Variants in CUX2 observed in about 807,000 individuals in gnomAD.
CUX2 encodes the protein homeobox protein cut-like 2.
A neutral mutation model predicts 144.8 loss-of-function variants in CUX2; 40 were observed. The observed-to-expected ratio is 0.28, with a 90% CI of 0.21 to 0.36. The LOEUF (loss-of-function observed/expected upper bound fraction) is 0.36, where lower values mean the gene tolerates loss of function less well. CUX2 is among the 10% of genes least tolerant of loss of function. The pLI is 1.00. For synonymous variants in CUX2, 827 were observed against 875.6 expected (o/e 0.94, Z 0.98); for missense variants, 1,615 against 1,994.0 (o/e 0.81, Z 3.62).
At chr12:111,170,652 C>A (rs1410664028) in intron 1 of CUX2, among the ~76,000 whole-genome samples, 1 of 150,660 alleles carries the variant, frequency 6.6e-6, no homozygotes, top group Non-Finnish European at 1.5e-5. Context: ...CTCCTGAAAC[C>A]CAGTTCTTCT....
chr12:111,084,567 A>G (rs1016742197), intron 1 of CUX2, among the ~76,000 whole-genome samples: 24 of 151,786 alleles, frequency 1.6e-4, no homozygotes, highest in African/African-American at 5.8e-4. Context: ...GCTGGGGCAT[A>G]AGTGGCCTGT....
chr12:111,160,115 T>TGCTGGGC lies in CUX2; in HGVS notation c.64-54078_64-54072dup, dbSNP rs1484774317. Among the ~76,000 whole-genome samples, 1 of 152,194 alleles carries TGCTGGGC rather than the reference T, an allele frequency of 6.6e-6. No homozygotes were observed. Among genetic ancestry groups the TGCTGGGC allele is most frequent in the African/African-American group, 2.4e-5 (1 of 41,452 alleles). On this transcript the variant is annotated intron_variant, in intron 1 of 21. Transcript: ENST00000261726. The surrounding 1 kb of genome is among the most constrained non-coding windows in gnomAD (Gnocchi z 4.1). The stretch of plus-strand genomic sequence containing the variant: ...CAATATTCATTGAGCTCCTGCTGGG[T>TGCTGGGC]GCTGGGCGCTGGGAATACAGCAATG...
intron 1 of CUX2, among the ~76,000 whole-genome samples, chr12:111,067,883 G>GCCAT (rs990884559): frequency 6.6e-6 from 1 of 152,148 alleles, no homozygotes; most frequent in African/African-American, 2.4e-5. Context: ...CAGTGACATG[G>GCCAT]CCATGTTCGT....
At chr12:111,252,715 C>T (rs910026539) in intron 3 of CUX2, among the ~76,000 whole-genome samples, 8 of 151,480 alleles carry the variant, frequency 5.3e-5, no homozygotes, top group Non-Finnish European at 8.8e-5. Context: ...GTGCCCAGCC[C>T]CGCCTGGGCT....
At chr12:111,325,183 A>G (rs1258903477) in intron 18 of CUX2, among the ~76,000 whole-genome samples, 2 of 151,432 alleles carry the variant, frequency 1.3e-5, no homozygotes, top group African/African-American at 2.4e-5. Flanking sequence ...AGTCCCAGCT[A>G]CTCAGGAGGC....
chr12:111,128,417 T>C (rs550770274), intron 1 of CUX2, among the ~76,000 whole-genome samples: 3 of 152,284 alleles, frequency 2.0e-5, no homozygotes, highest in Admixed American at 2.0e-4. Flanking sequence ...CATGAGGCCA[T>C]AGGTGCAGGC....
chr12:111,166,918 A>T (rs945890971), intron 1 of CUX2, among the ~76,000 whole-genome samples: 17 of 152,252 alleles, frequency 1.1e-4, no homozygotes, highest in Non-Finnish European at 2.2e-4. Flanking sequence ...GCCCCTTGGC[A>T]GCAGGCTGCT....
chr12:111,093,495 A>G (rs1222983148), intron 1 of CUX2, among the ~76,000 whole-genome samples: 4 of 145,440 alleles, frequency 2.8e-5, no homozygotes, highest in Non-Finnish European at 6.0e-5. Context: ...AAAAGTAGTG[A>G]AAAAAAAAAA....
intron 1 of CUX2, among the ~76,000 whole-genome samples, chr12:111,200,476 C>T (rs898859762): frequency 3.3e-5 from 5 of 151,858 alleles, no homozygotes; most frequent in African/African-American, 4.8e-5. Flanking sequence ...GAAATACACC[C>T]GGGACAGGGA....
intron 1 of CUX2, among the ~76,000 whole-genome samples, chr12:111,100,284 T>A (rs1424281203): frequency 6.6e-6 from 1 of 152,154 alleles, no homozygotes; most frequent in East Asian, 1.9e-4. Flanking sequence ...GCTCGATGTA[T>A]GCGTGGCCTG....
intron 1 of CUX2, among the ~76,000 whole-genome samples, chr12:111,098,643 G>C (rs1872993015): frequency 6.6e-6 from 1 of 152,238 alleles, no homozygotes; most frequent in African/African-American, 2.4e-5. Flanking sequence ...ATGTTAACGG[G>C]GGAATGGCCG....
intron 1 of CUX2, among the ~76,000 whole-genome samples, chr12:111,121,912 C>T (rs1184674021): frequency 6.6e-6 from 1 of 151,946 alleles, no homozygotes; most frequent in African/African-American, 2.4e-5. Flanking sequence ...ACCTAAAATA[C>T]ATGTGCTATT....
At chr12:111,345,612 G>A (rs916233505) in intron 21 of CUX2, among the ~76,000 whole-genome samples, 1 of 150,580 alleles carries the variant, frequency 6.6e-6, no homozygotes, top group Non-Finnish European at 1.5e-5. Context: ...CGTGGTGGCG[G>A]GCGCCTGTAG....
chr12:111,294,213 T>A (rs1049893182), intron 6 of CUX2, among the ~76,000 whole-genome samples: 50 of 152,146 alleles, frequency 3.3e-4, no homozygotes, highest in African/African-American at 1.2e-3. Context: ...GTTTAAGCAA[T>A]TCTCCTGCCT....
Position 111,171,449 on chromosome 12 carries a change from GTCTC to G in CUX2, c.64-42745_64-42742del, listed in dbSNP as rs939108747. On this transcript the variant is annotated intron_variant, in intron 1 of 21. Transcript: ENST00000261726. The surrounding 1 kb of genome is among the most constrained non-coding windows in gnomAD (Gnocchi z 5.0). ...GTTTCTTATGCACCAGTGGGAGTGG[GTCTC>G]TCTCTGACCCAATGCAAGCAGCCCG... Among the ~76,000 whole-genome samples the G allele has an allele frequency of 6.6e-6, 1 of 152,162 alleles. No homozygotes were observed. Among genetic ancestry groups the G allele is most frequent in the Non-Finnish European group, 1.5e-5 (1 of 68,030 alleles).
At chr12:111,135,068 C>T (rs1875774462) in intron 1 of CUX2, among the ~76,000 whole-genome samples, 1 of 152,108 alleles carries the variant, frequency 6.6e-6, no homozygotes, top group African/African-American at 2.4e-5. Flanking sequence ...TGAGCACCTG[C>T]TGTGTGCCAG....
chr12:111,176,039 CTTTTTTTTTT>C (rs1172563784), intron 1 of CUX2, among the ~76,000 whole-genome samples: 2 of 70,198 alleles, frequency 2.8e-5, no homozygotes, highest in Non-Finnish European at 5.3e-5. Context: ...TCTTCTTCTT[CTTTTTTTTTT>C]TTTTTTTTTT....
At chr12:111,276,672 G>C (rs1265913406) in intron 4 of CUX2, among the ~76,000 whole-genome samples, 3 of 151,996 alleles carry the variant, frequency 2.0e-5, no homozygotes, top group Non-Finnish European at 4.4e-5. Flanking sequence ...GTTTTGTTTT[G>C]AGACGGAGCC....
At chr12:111,267,452 G>A (rs973774870) in intron 4 of CUX2, among the ~76,000 whole-genome samples, 9 of 152,260 alleles carry the variant, frequency 5.9e-5, no homozygotes, top group African/African-American at 1.4e-4. Context: ...GGTTGAGCCC[G>A]ATGCCCAAGG....
Sources: gnomAD v4.1 joint callset for allele counts (sites outside exome capture counted in the v4.1 genomes callset) on GRCh38, gnomAD v4.1.1 for gene constraint, Gnocchi (gnomAD v3.1) non-coding constraint, MANE v1.5 for transcripts, NCBI Gene and HGNC (gene_info 2026-07-23, HGNC 2026-07-21) for gene names.